RABGAP1L: variants seen among roughly 807,000 people sequenced by gnomAD.
RABGAP1L encodes the protein rab GTPase-activating protein 1-like.
Under a neutral mutation model 137.7 loss-of-function variants are expected in RABGAP1L, and 63 were observed. The ratio of observed to expected loss-of-function variants is 0.46; its 90% CI spans 0.37 to 0.56. The LOEUF is 0.56. Among genes scored for constraint, RABGAP1L ranks in the 20% least tolerant of loss-of-function variants. RABGAP1L has a pLI of 0.00. For missense variants in RABGAP1L, 1,095 were observed against 1,244.0 expected, an observed-to-expected ratio of 0.88 and a Z score of 1.80; for synonymous variants, 431 against 433.7, an observed-to-expected ratio of 0.99 and a Z score of 0.08.
intron 13 of RABGAP1L, among the ~76,000 whole-genome samples, chr1:174,574,368 C>G (rs78531520): frequency 6.6e-6 from 1 of 151,636 alleles, no homozygotes; most frequent in Non-Finnish European, 1.5e-5. Flanking sequence ...CTTTAAAATC[C>G]CTTTTAGTTT....
chr1:174,703,225 T>C (rs886325708), intron 17 of RABGAP1L, among the ~76,000 whole-genome samples: 2 of 152,202 alleles, frequency 1.3e-5, no homozygotes, highest in African/African-American at 4.8e-5. Flanking sequence ...ACTTGAATAA[T>C]GCACATTGTA....
rs556468046 is a variant in RABGAP1L at position 174,544,038 on chromosome 1, T to C, written c.1711-93337T>C. Among the ~76,000 whole-genome samples, 275 of 152,286 alleles carry C rather than the reference T, an allele frequency of 1.8e-3. 1 individual carries two copies. The highest frequency in any genetic ancestry group is 6.2e-3 in the African/African-American group (257 of 41,556). On this transcript the variant is annotated intron_variant, in intron 13 of 25. Transcript: ENST00000681986. ...TGGCTGCCCTTAACATTTTTTCCTTTATTTCAACTTTGGTGAATCTGACAG... is the reference window on the plus strand; with the variant it reads ...TGGCTGCCCTTAACATTTTTTCCTTCATTTCAACTTTGGTGAATCTGACAG...
At chr1:174,424,592 A>G (rs1430079545) in intron 13 of RABGAP1L, among the ~76,000 whole-genome samples, 2 of 152,092 alleles carry the variant, frequency 1.3e-5, no homozygotes, top group African/African-American at 4.8e-5. Flanking sequence ...TAGAAATTGA[A>G]AAGGTGCTAG....
chr1:174,495,111 TA>T (rs1660622135), intron 13 of RABGAP1L, among the ~76,000 whole-genome samples: 2 of 152,318 alleles, frequency 1.3e-5, no homozygotes, highest in East Asian at 3.9e-4. Context: ...GTAAGGCTTA[TA>T]ATGAGTGTTT....
intron 12 of RABGAP1L, among the ~76,000 whole-genome samples, chr1:174,385,208 G>A (rs1362541248): frequency 6.6e-6 from 1 of 152,136 alleles, no homozygotes; most frequent in Non-Finnish European, 1.5e-5. Flanking sequence ...ACATGTGATC[G>A]GATTCTGGAT....
chr1:174,841,723 A>G (rs1281696301), intron 19 of RABGAP1L, among the ~76,000 whole-genome samples: 1 of 152,134 alleles, frequency 6.6e-6, no homozygotes, highest in Middle Eastern at 3.2e-3. Flanking sequence ...AGAGAATCCT[A>G]AGAAAATATT....
At chr1:174,837,218 A>T (rs960334221) in intron 19 of RABGAP1L, among the ~76,000 whole-genome samples, 3 of 152,200 alleles carry the variant, frequency 2.0e-5, no homozygotes, top group African/African-American at 7.2e-5. Context: ...AAAAAAAAAA[A>T]AAAATGTTCC....
intron 13 of RABGAP1L, among the ~76,000 whole-genome samples, chr1:174,395,887 T>C (rs916185367): frequency 3.3e-5 from 5 of 151,356 alleles, no homozygotes; most frequent in Admixed American, 6.6e-5. Context: ...AGATATTTCC[T>C]AGCCAAATTT....
intron 14 of RABGAP1L, among the ~76,000 whole-genome samples, chr1:174,659,295 CTCT>C (rs1676201792): frequency 6.6e-6 from 1 of 151,234 alleles, no homozygotes. Flanking sequence ...ACTGATTCCT[CTCT>C]TCTTACTTTT....
chr1:174,938,168 A>G (rs1665224136), intron 19 of RABGAP1L, among the ~76,000 whole-genome samples: 1 of 152,186 alleles, frequency 6.6e-6, no homozygotes, highest in Admixed American at 6.5e-5. Flanking sequence ...TTCAATTACT[A>G]AAGAAATACA....
intron 13 of RABGAP1L, among the ~76,000 whole-genome samples, chr1:174,627,457 T>C (rs1673010105): frequency 2.6e-5 from 4 of 152,222 alleles, no homozygotes; most frequent in African/African-American, 9.6e-5. Flanking sequence ...TCAGTGTATA[T>C]ACGTTATACT....
intron 17 of RABGAP1L, among the ~76,000 whole-genome samples, chr1:174,721,349 G>A (rs957559998): frequency 2.6e-5 from 4 of 152,136 alleles, no homozygotes; most frequent in Non-Finnish European, 4.4e-5. Context: ...ATAATTCAAC[G>A]TAATGAATTC....
chr1:174,530,837 ACG>A (rs1491151848), intron 13 of RABGAP1L, among the ~76,000 whole-genome samples: 2 of 54,996 alleles, frequency 3.6e-5, no homozygotes, highest in East Asian at 6.1e-4. Flanking sequence ...ATACATACAT[ACG>A]TACGTTTGTG....
intron 18 of RABGAP1L, among the ~76,000 whole-genome samples, chr1:174,755,530 G>A (rs993767473): frequency 2.6e-5 from 4 of 152,112 alleles, no homozygotes; most frequent in Admixed American, 1.3e-4. Context: ...CCTTCCCAAA[G>A]TATTATATGC....
At chr1:174,533,681 G>GT (rs1664636444) in intron 13 of RABGAP1L, among the ~76,000 whole-genome samples, 1 of 151,596 alleles carries the variant, frequency 6.6e-6, no homozygotes, top group African/African-American at 2.4e-5. Context: ...TTTTGTTTTT[G>GT]TTTTTTGAGA....
chr1:174,701,102 A>G, intron 16 of RABGAP1L: 1 of 1,304,594 alleles, frequency 7.7e-7, no homozygotes, highest in South Asian at 1.2e-5. Context: ...TTTGTGGTCT[A>G]TTTAGGAAAA....
intron 17 of RABGAP1L, among the ~76,000 whole-genome samples, chr1:174,713,280 G>C (rs1680727798): frequency 6.6e-6 from 1 of 151,924 alleles, no homozygotes; most frequent in African/African-American, 2.4e-5. Flanking sequence ...ATGCATGTCT[G>C]TTTTTTTTAC....
chr1:174,415,860 A>G (rs552727719), intron 13 of RABGAP1L, among the ~76,000 whole-genome samples: 8 of 151,746 alleles, frequency 5.3e-5, no homozygotes, highest in Non-Finnish European at 7.4e-5. Flanking sequence ...TGATTCTGGT[A>G]TGTTCACATA....
intron 14 of RABGAP1L, among the ~76,000 whole-genome samples, chr1:174,673,409 A>G (rs565449962): frequency 4.6e-5 from 7 of 152,220 alleles, no homozygotes; most frequent in South Asian, 4.1e-4. Flanking sequence ...TTGCCTTTCT[A>G]TTTACTAAAA....
Sources: gnomAD v4.1 joint callset for allele counts (sites outside exome capture counted in the v4.1 genomes callset) on GRCh38, gnomAD v4.1.1 for gene constraint, MANE v1.5 for transcripts, NCBI Gene and HGNC (gene_info 2026-07-23, HGNC 2026-07-21) for gene names.